Variants in PTPRD observed in about 807,000 individuals in gnomAD.
PTPRD encodes the protein receptor-type tyrosine-protein phosphatase delta.
Under a neutral mutation model 214.5 loss-of-function variants are expected in PTPRD, and 34 were observed. The ratio of observed to expected loss-of-function variants is 0.16; its 90% CI spans 0.12 to 0.21. The LOEUF (loss-of-function observed/expected upper bound fraction) is 0.21, where lower values mean the gene tolerates loss of function less well. Among genes scored for constraint, PTPRD ranks in the 10% least tolerant of loss-of-function variants. The pLI, the probability that PTPRD is intolerant of heterozygous loss-of-function variation, is 1.00. For synonymous variants in PTPRD, 1,128 were observed against 845.7 expected, an observed-to-expected ratio of 1.33 and a Z score of -5.79; for missense variants, 2,545 against 2,398.7, an observed-to-expected ratio of 1.06 and a Z score of -1.27.
intron 7 of PTPRD, among the ~76,000 whole-genome samples, chr9:9,576,706 G>T (rs1457164379): frequency 1.3e-5 from 2 of 151,990 alleles, no homozygotes; most frequent in Non-Finnish European, 2.9e-5. Flanking sequence ...TAAACTTCTT[G>T]GATACACAAA....
At chr9:9,936,225 A>G (rs1251328575) in intron 5 of PTPRD, among the ~76,000 whole-genome samples, 1 of 148,922 alleles carries the variant, frequency 6.7e-6, no homozygotes, top group African/African-American at 2.5e-5. Flanking sequence ...AAAATTGACA[A>G]ATGGGATCTA....
At chr9:9,634,073 A>G (rs1371086866) in intron 7 of PTPRD, among the ~76,000 whole-genome samples, 4 of 152,024 alleles carry the variant, frequency 2.6e-5, no homozygotes, top group Non-Finnish European at 4.4e-5. Flanking sequence ...TAAAAATGGT[A>G]TATAATACCA....
In PTPRD at chr9:8,443,182, A is replaced by G. The variant is rs1266395476; in HGVS notation, c.3989-6493T>C. On this transcript the variant is annotated intron_variant, in intron 34 of 45. Transcript: ENST00000381196. ...AAAATTTTTGTAAAATTCAATTCTAATGGAGAGTTTCTCAAAATACAGAAT... is the reference window on the plus strand; with the variant it reads ...AAAATTTTTGTAAAATTCAATTCTAGTGGAGAGTTTCTCAAAATACAGAAT... 2.0e-5 allele frequency among the ~76,000 whole-genome samples: 3 copies of G among 152,212 alleles called. No individual in the cohort carries two copies. In the East Asian group the frequency reaches 5.8e-4, roughly 29 times the overall value.
chr9:9,121,926 A>C (rs1464645196), intron 10 of PTPRD, among the ~76,000 whole-genome samples: 2 of 152,196 alleles, frequency 1.3e-5, no homozygotes, highest in Non-Finnish European at 2.9e-5. Flanking sequence ...AATCTCTCTA[A>C]AGAGTTTTGT....
chr9:8,967,334 G>T (rs1025540605), intron 11 of PTPRD, among the ~76,000 whole-genome samples: 1 of 152,058 alleles, frequency 6.6e-6, no homozygotes, highest in Non-Finnish European at 1.5e-5. Context: ...CCTACTAAAT[G>T]GAAAGAAATC....
intron 3 of PTPRD, among the ~76,000 whole-genome samples, chr9:10,100,501 G>C (rs1417474852): frequency 2.0e-5 from 3 of 151,636 alleles, no homozygotes; most frequent in African/African-American, 2.4e-5. Flanking sequence ...AATACATTTA[G>C]AAAGGAGGAT....
intron 11 of PTPRD, among the ~76,000 whole-genome samples, chr9:8,910,798 A>G (rs546776468): frequency 4.3e-4 from 65 of 152,360 alleles, no homozygotes; most frequent in Non-Finnish European, 7.2e-4. Flanking sequence ...AATTAATTTT[A>G]TTTCTATGCA....
intron 7 of PTPRD, among the ~76,000 whole-genome samples, chr9:9,607,379 T>C (rs1250420295): frequency 6.6e-6 from 1 of 152,154 alleles, no homozygotes; most frequent in Non-Finnish European, 1.5e-5. Flanking sequence ...GGACACTATA[T>C]GCTCCACGAA....
intron 14 of PTPRD, among the ~76,000 whole-genome samples, chr9:8,609,889 T>C (rs983878237): frequency 2.0e-5 from 3 of 152,172 alleles, no homozygotes; most frequent in Non-Finnish European, 4.4e-5. Context: ...ATTCAGTATA[T>C]TTCCTACATT....
intron 39 of PTPRD, among the ~76,000 whole-genome samples, chr9:8,373,172 G>T (rs1452844252): frequency 2.6e-5 from 4 of 151,784 alleles, no homozygotes; most frequent in Admixed American, 2.0e-4. Context: ...GATGCTACAC[G>T]GATAACTGTC....
At chr9:8,642,037 C>A (rs1022264786) in intron 12 of PTPRD, among the ~76,000 whole-genome samples, 11 of 152,158 alleles carry the variant, frequency 7.2e-5, no homozygotes, top group African/African-American at 2.7e-4. Context: ...CTAAGTAGTG[C>A]TAGACATAAA....
At chr9:9,594,679 G>A (rs1191597776) in intron 7 of PTPRD, among the ~76,000 whole-genome samples, 1 of 152,052 alleles carries the variant, frequency 6.6e-6, no homozygotes, top group African/African-American at 2.4e-5. Context: ...TGGCCTTATA[G>A]TATAGTTTGA....
intron 2 of PTPRD, among the ~76,000 whole-genome samples, chr9:10,490,823 T>C (rs552605979): frequency 6.6e-6 from 1 of 152,192 alleles, no homozygotes; most frequent in Non-Finnish European, 1.5e-5. Context: ...TGAAATTATA[T>C]GTCATTTAGC....
intron 10 of PTPRD, among the ~76,000 whole-genome samples, chr9:9,182,323 G>T (rs1171757540): frequency 6.6e-6 from 1 of 152,010 alleles, no homozygotes; most frequent in Non-Finnish European, 1.5e-5. Flanking sequence ...ATCAACAGGG[G>T]ATAGGGACGG....
intron 39 of PTPRD, among the ~76,000 whole-genome samples, chr9:8,345,267 T>C (rs550567286): frequency 6.6e-6 from 1 of 152,022 alleles, no homozygotes; most frequent in East Asian, 1.9e-4. Context: ...CTGACAACAC[T>C]TGGGAACTGC....
At chr9:10,042,819 T>A (rs1186451593) in intron 3 of PTPRD, among the ~76,000 whole-genome samples, 2 of 151,978 alleles carry the variant, frequency 1.3e-5, no homozygotes, top group African/African-American at 4.8e-5. Context: ...TCCAGAATTT[T>A]AAAAATCTTG....
At chr9:8,787,607 A>C (rs1454574395) in intron 11 of PTPRD, among the ~76,000 whole-genome samples, 1 of 152,224 alleles carries the variant, frequency 6.6e-6, no homozygotes, top group Non-Finnish European at 1.5e-5. Flanking sequence ...AGATATGTGA[A>C]ATATCTAAAG....
chr9:9,025,013 A>G (rs1187955830), intron 10 of PTPRD, among the ~76,000 whole-genome samples: 4 of 151,994 alleles, frequency 2.6e-5, no homozygotes, highest in Admixed American at 1.3e-4. Flanking sequence ...TTTCATTCCA[A>G]TTTGAATCAA....
chr9:10,495,414 T>C (rs1255275647), intron 2 of PTPRD, among the ~76,000 whole-genome samples: 1 of 151,842 alleles, frequency 6.6e-6, no homozygotes, highest in Non-Finnish European at 1.5e-5. Flanking sequence ...GGCTTCCAGA[T>C]GTCAGCTGAT....
Sources: allele counts gnomAD v4.1 joint callset (sites outside exome capture counted in the v4.1 genomes callset), GRCh38; gene constraint gnomAD v4.1.1; transcripts MANE v1.5; gene names NCBI Gene and HGNC (gene_info 2026-07-23, HGNC 2026-07-21).